The following WDR20 variants were observed in gnomAD, a reference collection of about 807,000 sequenced individuals.
The protein encoded by WDR20 is WD repeat-containing protein 20.
In WDR20, 3 loss-of-function variants were observed where a neutral mutation model predicts 38.7. That is an observed-to-expected ratio of 0.08 (90% CI 0.04 to 0.20). WDR20 has a LOEUF of 0.20. Among genes scored for constraint, WDR20 ranks in the 10% least tolerant of loss-of-function variants. The probability of loss-of-function intolerance (pLI) is 1.00; values close to 1 mark genes in which losing one functional copy is unlikely to be tolerated. For missense variants in WDR20, 559 were observed against 727.7 expected (o/e 0.77, Z 2.67); for synonymous variants, 298 against 285.6 (o/e 1.04, Z -0.44).
intron 1 of WDR20, among the ~76,000 whole-genome samples, chr14:102,169,160 G>T (rs2060342875): frequency 1.3e-5 from 2 of 152,032 alleles, no homozygotes; most frequent in South Asian, 4.1e-4. Flanking sequence ...GGAGCCAATG[G>T]TACACGCTCT....
At chr14:102,144,477 G>A (rs1202918282) in intron 1 of WDR20, among the ~76,000 whole-genome samples, 1 of 140,996 alleles carries the variant, frequency 7.1e-6, no homozygotes, top group Admixed American at 7.1e-5. Context: ...GCTAGACTCT[G>A]TCTCAAAAAA....
In WDR20 at chr14:102,194,108, T is replaced by C. The variant is rs539487417; in HGVS notation, c.250-830T>C. 2.6e-5 allele frequency among the ~76,000 whole-genome samples: 4 copies of C among 152,330 alleles called. No individual in the cohort carries two copies. The East Asian group carries it at 7.7e-4, about 29-fold the overall frequency. On this transcript the variant is annotated intron_variant, in intron 1 of 2. Transcript: ENST00000342702. ...TCCAAATCCAGCCCTGCCACTTACT[T>C]AGGTAGGTATGGTGACGTTGGTCAA...
chr14:102,168,701 ATATT>A (rs772016252), intron 1 of WDR20, among the ~76,000 whole-genome samples: 5 of 152,178 alleles, frequency 3.3e-5, no homozygotes, highest in Non-Finnish European at 7.3e-5. Flanking sequence ...TTTGGGTTAA[ATATT>A]TTTGGAGTCA....
chr14:102,144,913 G>A (rs749730251), intron 1 of WDR20, among the ~76,000 whole-genome samples: 7 of 152,082 alleles, frequency 4.6e-5, no homozygotes, highest in African/African-American at 9.7e-5. Flanking sequence ...TGGCCAGGCT[G>A]GTCTTGAACT....
In WDR20 at chr14:102,220,441, TG is replaced by T. The variant is rs750469736; in HGVS notation, c.1693-2387del. Among the ~76,000 whole-genome samples the T allele has an allele frequency of 4.6e-5, 7 of 152,254 alleles. No homozygotes were observed. The highest frequency in any genetic ancestry group is 8.8e-5 in the Non-Finnish European group (6 of 68,050). ...ACATCTTCAGTTAAAATATTAAAAT[TG>T]GCCAGGTGCGGTGGCTCACGCCTGT... On this transcript the variant is annotated intron_variant, in intron 3 of 3. Coordinates refer to the WDR20 transcript ENST00000335263. The surrounding 1 kb of genome is among the most constrained non-coding windows in gnomAD (Gnocchi z 4.2).
downstream of WDR20, among the ~76,000 whole-genome samples, chr14:102,211,262 T>A (rs1341907067): frequency 6.6e-6 from 1 of 152,172 alleles, no homozygotes; most frequent in Non-Finnish European, 1.5e-5. The surrounding 1 kb of genome is among the most constrained non-coding windows in gnomAD (Gnocchi z 4.2). Flanking sequence ...AACGATCACT[T>A]AGACCAGTTT....
chr14:102,192,854 C>G (rs577806757), intron 1 of WDR20, among the ~76,000 whole-genome samples: 222 of 152,166 alleles, frequency 1.5e-3, no homozygotes, highest in Middle Eastern at 3.4e-3. Flanking sequence ...GTCATCTAGC[C>G]TGAAGTGCAG....
chr14:102,177,966 G>A (rs914661698), intron 1 of WDR20, among the ~76,000 whole-genome samples: 2 of 152,164 alleles, frequency 1.3e-5, no homozygotes, highest in African/African-American at 4.8e-5. Flanking sequence ...TTAGTCATTG[G>A]TGTCTTTAAC....
Position 102,222,834 on chromosome 14 carries a change from C to G in WDR20, c.1697C>G (p.Ser566Ter). Residue 566 changes from serine to a stop codon, truncating the protein, a stop_gained, in exon 4 of 4, where the codon TCA becomes TGA. Coordinates refer to the WDR20 transcript ENST00000335263. LOFTEE classifies it high-confidence loss of function. The surrounding 1 kb of genome is among the most constrained non-coding windows in gnomAD (Gnocchi z 4.4). ...TGTAGACTGCTTTGTTTGCAGGGCT[C>G]ATTGTCATCCCCAAGCCAGGCCAGT... The G allele has an allele frequency of 6.2e-7, 1 of 1,614,198 alleles. No homozygotes were observed. Among genetic ancestry groups the G allele is most frequent in the Non-Finnish European group, 8.5e-7 (1 of 1,180,016 alleles).
chr14:102,193,324 T>C, intron 1 of WDR20: 3 of 782,684 alleles, frequency 3.8e-6, no homozygotes, highest in Non-Finnish European at 6.2e-6. Flanking sequence ...TCAGCCTGCC[T>C]TGCTGTACAG....
At chr14:102,186,547 C>A (rs796410329) in intron 1 of WDR20, among the ~76,000 whole-genome samples, 1 of 152,170 alleles carries the variant, frequency 6.6e-6, no homozygotes, top group Middle Eastern at 3.4e-3. Flanking sequence ...CACAACACCC[C>A]CCTCCGGTTT....
intron 1 of WDR20, among the ~76,000 whole-genome samples, chr14:102,159,789 A>T (rs2097297105): frequency 6.6e-6 from 1 of 151,930 alleles, no homozygotes; most frequent in East Asian, 1.9e-4. Context: ...AACCGAGATC[A>T]AGCCACTGCA....
chr14:102,174,635 G>A (rs2152843232), intron 1 of WDR20, among the ~76,000 whole-genome samples: 1 of 152,166 alleles, frequency 6.6e-6, no homozygotes, highest in Non-Finnish European at 1.5e-5. Context: ...TAGCCAGGAT[G>A]ATCTCGATCT....
downstream of WDR20, among the ~76,000 whole-genome samples, chr14:102,219,721 A>G (rs2063665169): frequency 6.6e-6 from 1 of 152,160 alleles, no homozygotes; most frequent in African/African-American, 2.4e-5. Flanking sequence ...CTGAGTTTTG[A>G]TCATGGGCAC....
intron 1 of WDR20, among the ~76,000 whole-genome samples, chr14:102,140,971 T>C (rs1196946141): frequency 3.3e-5 from 5 of 152,204 alleles, no homozygotes; most frequent in Non-Finnish European, 7.3e-5. Flanking sequence ...GGGAGTGATA[T>C]GCTTTAAAAG....
intron 1 of WDR20, among the ~76,000 whole-genome samples, chr14:102,147,035 T>C (rs1378203378): frequency 6.6e-6 from 1 of 152,202 alleles, no homozygotes; most frequent in African/African-American, 2.4e-5. Flanking sequence ...AGCATCTTAA[T>C]GTATCATTTA....
intron 1 of WDR20, chr14:102,178,976 G>C (rs541795643): frequency 1.3e-5 from 2 of 152,128 alleles, no homozygotes; most frequent in South Asian, 4.2e-4. Context: ...CTACACAGCT[G>C]GTAAGTGGCA....
intron 1 of WDR20, among the ~76,000 whole-genome samples, chr14:102,146,120 G>A (rs904186113): frequency 2.6e-5 from 4 of 151,888 alleles, no homozygotes; most frequent in Non-Finnish European, 4.4e-5. Context: ...TGAAAACATT[G>A]TGATTTCTAG....
At chr14:102,143,950 G>A (rs1483195915) in intron 1 of WDR20, among the ~76,000 whole-genome samples, 1 of 151,876 alleles carries the variant, frequency 6.6e-6, no homozygotes, top group Non-Finnish European at 1.5e-5. Context: ...ACTGAGGTGG[G>A]AGGATCGCTT....
Sources: gnomAD v4.1 joint callset for allele counts (sites outside exome capture counted in the v4.1 genomes callset) on GRCh38, gnomAD v4.1.1 for gene constraint, Gnocchi (gnomAD v3.1) non-coding constraint, MANE v1.5 for transcripts, NCBI Gene and HGNC (gene_info 2026-07-23, HGNC 2026-07-21) for gene names.